The following CCDC91 variants were observed in gnomAD, a reference collection of about 807,000 sequenced individuals.
CCDC91 encodes the protein coiled-coil domain containing 91, also known as coiled-coil domain-containing protein 91.
Under a neutral mutation model 63.2 loss-of-function variants are expected in CCDC91, and 48 were observed. That is an observed-to-expected ratio of 0.76 (90% CI 0.60 to 0.97). The LOEUF (loss-of-function observed/expected upper bound fraction) is 0.97, where lower values mean the gene tolerates loss of function less well. CCDC91 is among the 50% of genes least tolerant of loss of function. The probability of loss-of-function intolerance (pLI) is 0.00; values close to 1 mark genes in which losing one functional copy is unlikely to be tolerated. For synonymous variants in CCDC91, 167 were observed against 165.8 expected, an observed-to-expected ratio of 1.01 and a Z score of -0.06; for missense variants, 500 against 494.6, an observed-to-expected ratio of 1.01 and a Z score of -0.10.
At chr12:28,482,719 A>G (rs1420682880) in intron 11 of CCDC91, among the ~76,000 whole-genome samples, 1 of 151,934 alleles carries the variant, frequency 6.6e-6, no homozygotes, top group African/African-American at 2.4e-5. Context: ...AAATTTGTAC[A>G]AAATGTCAAA....
intron 12 of CCDC91, 60 bp from the exon 13 acceptor site, chr12:28,549,003 T>A: frequency 8.6e-7 from 1 of 1,164,124 alleles, no homozygotes; most frequent in Non-Finnish European, 1.3e-6. Context: ...ATAATATTCT[T>A]TATCCTTCAA....
intron 3 of CCDC91, chr12:28,304,650 G>A: frequency 7.8e-7 from 1 of 1,275,556 alleles, no homozygotes; most frequent in Non-Finnish European, 1.0e-6. Context: ...TTCATTGTGA[G>A]CTGCCTTCCA....
chr12:28,360,202 A>T (rs561223981), intron 6 of CCDC91, among the ~76,000 whole-genome samples: 1 of 152,354 alleles, frequency 6.6e-6, no homozygotes, highest in East Asian at 1.9e-4. Flanking sequence ...ATATGACAAG[A>T]TAAAGGGCTT....
chr12:28,346,665 A>C (rs1942834168), intron 6 of CCDC91, among the ~76,000 whole-genome samples: 1 of 152,240 alleles, frequency 6.6e-6, no homozygotes, highest in African/African-American at 2.4e-5. Flanking sequence ...AGGGCAAGGT[A>C]TGGGAAAAGG....
chr12:28,191,656 T>C (rs1430628369), intron 1 of CCDC91, among the ~76,000 whole-genome samples: 5 of 151,902 alleles, frequency 3.3e-5, no homozygotes, highest in African/African-American at 1.2e-4. Flanking sequence ...TTTAGTTGGG[T>C]GGGGTGACAG....
At chr12:28,454,698 G>T (rs11049620) in intron 11 of CCDC91, among the ~76,000 whole-genome samples, 31,142 of 152,020 alleles carry the variant, frequency 0.2, 4,183 homozygotes, top group Non-Finnish European at 0.3. Context: ...AGTAACCTGG[G>T]CAGTTTCTAG....
chr12:28,203,047 G>C (rs865774740), intron 1 of CCDC91, among the ~76,000 whole-genome samples: 6 of 152,200 alleles, frequency 3.9e-5, no homozygotes, highest in South Asian at 4.1e-4. Flanking sequence ...TTCTGGGAAT[G>C]GGGTTTTGGA....
At chr12:28,393,292 A>G (rs1348768846) in intron 8 of CCDC91, among the ~76,000 whole-genome samples, 3 of 151,946 alleles carry the variant, frequency 2.0e-5, no homozygotes, top group Admixed American at 6.6e-5. Context: ...TTCCTTTGGT[A>G]TCTTGTCCTT....
At position 28,450,336 on chromosome 12, in the gene CCDC91, T is replaced by C; in HGVS notation, c.856-14T>C. ...TACATTTAATGTCTTTCCAACTGTT[T>C]TATCATTTGACAGGAAATATTGGAA... On this transcript the variant is annotated splice_polypyrimidine_tract_variant and intron_variant, in intron 9 of 12. Coordinates refer to ENST00000536442, the MANE Select transcript of CCDC91 (RefSeq NM_018318.5). 2 of 1,609,448 alleles carry C rather than the reference T, an allele frequency of 1.2e-6. No individual in the cohort carries two copies. The highest frequency in any genetic ancestry group is 1.7e-5 in the Admixed American group (1 of 59,960).
At chr12:28,298,813 G>A (rs1437706927) in intron 3 of CCDC91, among the ~76,000 whole-genome samples, 1 of 150,564 alleles carries the variant, frequency 6.6e-6, no homozygotes, top group Non-Finnish European at 1.5e-5. Flanking sequence ...GCTTGTTTAT[G>A]TGCTTTATAA....
chr12:28,439,838 AG>A (rs930111046), intron 8 of CCDC91, among the ~76,000 whole-genome samples: 2 of 150,464 alleles, frequency 1.3e-5, no homozygotes, highest in Admixed American at 1.3e-4. Context: ...TTTCCAAAGG[AG>A]GGGAAAACAA....
intron 3 of CCDC91, among the ~76,000 whole-genome samples, chr12:28,283,719 G>C (rs1432814475): frequency 6.6e-6 from 1 of 152,058 alleles, no homozygotes; most frequent in Admixed American, 6.5e-5. Context: ...TTTATGTATA[G>C]CTTATACATA....
chr12:28,437,483 T>C (rs962149153), intron 8 of CCDC91, among the ~76,000 whole-genome samples: 1 of 152,074 alleles, frequency 6.6e-6, no homozygotes, highest in Non-Finnish European at 1.5e-5. Context: ...TTTCGTGATA[T>C]AAGAGTTTTT....
Position 28,533,321 on chromosome 12 carries a change from A to C in CCDC91, c.1216-15742A>C, listed in dbSNP as rs376820201. ...CTGGCTTATTCACAGTCAAAACCAG[A>C]CACCTATAGTCTTAATTATGTGCAA... On this transcript the variant is annotated intron_variant, in intron 12 of 12. Transcript: ENST00000536442. Among the ~76,000 whole-genome samples, 7 of 152,190 alleles carry C rather than the reference A, an allele frequency of 4.6e-5. No individual in the cohort carries two copies. The East Asian group carries it at 1.4e-3, about 29-fold the overall frequency.
intron 12 of CCDC91, among the ~76,000 whole-genome samples, chr12:28,523,230 A>G (rs1382111930): frequency 2.0e-5 from 3 of 152,126 alleles, no homozygotes; most frequent in Non-Finnish European, 2.9e-5. Flanking sequence ...TAGGTCTCTA[A>G]GGACTTGCTT....
chr12:28,330,645 T>C (rs1352790083), intron 6 of CCDC91, among the ~76,000 whole-genome samples: 3 of 152,204 alleles, frequency 2.0e-5, no homozygotes, highest in African/African-American at 7.2e-5. Context: ...ATTTTGGTTT[T>C]TGTTGCCATT....
intron 1 of CCDC91, among the ~76,000 whole-genome samples, chr12:28,255,308 T>C (rs574568897): frequency 2.6e-5 from 4 of 152,346 alleles, no homozygotes; most frequent in African/African-American, 9.6e-5. Context: ...AATTCCATTC[T>C]TTTGAAACCA....
intron 6 of CCDC91, among the ~76,000 whole-genome samples, chr12:28,326,708 A>G (rs1014758983): frequency 6.6e-6 from 1 of 152,018 alleles, no homozygotes; most frequent in Admixed American, 6.6e-5. Flanking sequence ...TTAAATCTCC[A>G]TTCTATTTAT....
chr12:28,453,237 T>G (rs1264361706), intron 11 of CCDC91, among the ~76,000 whole-genome samples: 1 of 152,006 alleles, frequency 6.6e-6, no homozygotes, highest in African/African-American at 2.4e-5. Context: ...AGTTTGTTTT[T>G]CTGTAATTGA....
Sources: allele counts gnomAD v4.1 joint callset (sites outside exome capture counted in the v4.1 genomes callset), GRCh38; gene constraint gnomAD v4.1.1; transcripts MANE v1.5; gene names NCBI Gene and HGNC (gene_info 2026-07-23, HGNC 2026-07-21).